MLF1: variants seen among roughly 807,000 people sequenced by gnomAD.
MLF1 encodes myelodysplasia-myeloid leukemia factor 1.
MLF1 carries 37 observed loss-of-function variants against 38.3 expected under a neutral mutation model. That is an observed-to-expected ratio of 0.96 (90% confidence interval 0.74 to 1.27). The LOEUF (loss-of-function observed/expected upper bound fraction) is 1.27. Among genes scored for constraint, MLF1 ranks in the 50% most tolerant of loss-of-function variants. The pLI is 0.00. For missense variants in MLF1, 331 were observed against 349.2 expected (o/e 0.95, Z 0.42); for synonymous variants, 95 against 106.5 (o/e 0.89, Z 0.66).
chr3:158,601,496 G>A (rs1719742464), intron 6 of MLF1, among the ~76,000 whole-genome samples: 1 of 152,200 alleles, frequency 6.6e-6, no homozygotes. Flanking sequence ...CTTGAACCCA[G>A]GAGGCGGAGG....
intron 1 of MLF1, among the ~76,000 whole-genome samples, chr3:158,588,619 A>AAAAAAAC (rs1560103388): frequency 1.6e-5 from 1 of 62,152 alleles, no homozygotes. Flanking sequence ...AAAAAAAAAA[A>AAAAAAAC]AAAAAGCAGA....
At chr3:158,590,916 C>G in intron 1 of MLF1, 2 of 412,884 alleles carry the variant, frequency 4.8e-6, no homozygotes, top group Admixed American at 6.0e-5. Context: ...TCTATACATA[C>G]AAGCACAAAT....
intron 1 of MLF1, among the ~76,000 whole-genome samples, chr3:158,581,314 C>A (rs1716312821): frequency 6.6e-6 from 1 of 152,202 alleles, no homozygotes; most frequent in African/African-American, 2.4e-5. Flanking sequence ...AAAATCTTCT[C>A]ATGCTTCCAG....
intron 3 of MLF1, 130 bp from the exon 4 acceptor site, chr3:158,596,732 G>A (rs1362148461): frequency 1.9e-6 from 1 of 538,964 alleles, no homozygotes; most frequent in East Asian, 3.0e-5. Context: ...AGTTATCTTT[G>A]TCTGGTTGAT....
rs1442833455 is a variant in MLF1 at position 158,606,366 on chromosome 3, A to G, written c.*1164A>G. 6.0e-6 allele frequency: 1 copy of G among 166,262 alleles called. No homozygotes were observed. Among genetic ancestry groups the G allele is most frequent in the Non-Finnish European group, 1.3e-5 (1 of 76,410 alleles). The allele number at this position is 166,262 out of a possible 1,614,324, so 10.3% of individuals were successfully genotyped here. A position where few individuals can be genotyped will look rare whatever the true frequency, so the allele number is the denominator to read the frequency against. The stretch of plus-strand genomic sequence containing the variant: ...AGTAAAATTATATGACTATGTTCAT[A>G]CTTCTCTAATTTTTTATATAATATT... On this transcript the variant is annotated 3_prime_UTR_variant, in exon 8 of 8. Coordinates refer to ENST00000466246, the MANE Select transcript of MLF1 (RefSeq NM_001369783.1).
chr3:158,602,182 G>C (rs1367017137), intron 6 of MLF1, among the ~76,000 whole-genome samples: 2 of 152,032 alleles, frequency 1.3e-5, no homozygotes, highest in African/African-American at 2.4e-5. Flanking sequence ...GTGTTTATTT[G>C]TAACCTCTGT....
At chr3:158,586,322 ATG>A (rs1717260137) in intron 1 of MLF1, among the ~76,000 whole-genome samples, 1 of 152,162 alleles carries the variant, frequency 6.6e-6, no homozygotes, top group Non-Finnish European at 1.5e-5. Flanking sequence ...CTTAGAAAGA[ATG>A]AGAACCAGAT....
chr3:158,571,660 A>G (rs1310786524), intron 1 of MLF1, among the ~76,000 whole-genome samples: 2 of 22,912 alleles, frequency 8.7e-5, no homozygotes, highest in Non-Finnish European at 1.6e-4. Context: ...GTGGGGGGAG[A>G]AGAGTTGAGG....
Position 158,592,460 on chromosome 3 carries a change from A to G in MLF1, c.74A>G (p.Asn25Ser). ...FSESILAHRE[N>S]MRQMIRSFSE... is the part of the protein sequence containing the mutation. ...GAGTCCATTCTTGCACACCGAGAAA[A>G]TATGCGACAGATGATAAGAAGTTTT... is the stretch of plus-strand genomic sequence containing the variant. Residue 25 changes from asparagine to serine, a missense_variant, in exon 2 of 8, where the codon AAT (asparagine) becomes AGT (serine). Physicochemically the swap from Asn to Ser is conservative, Grantham distance 46 (BLOSUM62 1). Transcript: ENST00000466246. 1 of 1,610,548 alleles carries G rather than the reference A, an allele frequency of 6.2e-7. No homozygotes were observed. The highest frequency in any genetic ancestry group is 8.5e-7 in the Non-Finnish European group (1 of 1,178,900).
intron 1 of MLF1, chr3:158,591,108 A>G: frequency 1.9e-6 from 1 of 513,350 alleles, no homozygotes. Flanking sequence ...AGAATTTTTG[A>G]GCTTCCTCCT....
intron 1 of MLF1, chr3:158,582,760 G>A (rs928815824): frequency 1.8e-6 from 1 of 564,982 alleles, no homozygotes. Flanking sequence ...TCCTTTAAAA[G>A]TCAAGAAGAA....
chr3:158,597,777 G>A (rs181702001), intron 4 of MLF1, among the ~76,000 whole-genome samples: 63 of 152,242 alleles, frequency 4.1e-4, no homozygotes, highest in Admixed American at 2.4e-3. Flanking sequence ...TGAAATCTAA[G>A]CCACGAGCAC....
intron 1 of MLF1, among the ~76,000 whole-genome samples, chr3:158,581,609 G>A (rs942381448): frequency 1.3e-5 from 2 of 152,036 alleles, no homozygotes; most frequent in African/African-American, 4.8e-5. Flanking sequence ...CATTACTAAA[G>A]GTCTATTTAC....
chr3:158,604,192 A>G (rs1157187312), intron 7 of MLF1, among the ~76,000 whole-genome samples: 1 of 152,204 alleles, frequency 6.6e-6, no homozygotes, highest in Non-Finnish European at 1.5e-5. Context: ...ACTTGCTCCC[A>G]TATTCATTAT....
chr3:158,571,236 C>T lies in MLF1; in HGVS notation c.-65C>T, dbSNP rs986341232. ...TACTGGAGGCTAGCTCTTGTCGCGG[C>T]CGCGGCGAGTTAACATCGTTTTTCC... On this transcript the variant is annotated 5_prime_UTR_variant, in exon 1 of 8. Coordinates refer to ENST00000466246, the MANE Select transcript of MLF1 (RefSeq NM_001369783.1). 8.1e-6 allele frequency: 11 copies of T among 1,357,790 alleles called. No homozygotes were observed. The highest frequency in any genetic ancestry group is 1.4e-5 in the African/African-American group (1 of 69,780). The allele number at this position is 1,357,790 out of a possible 1,614,324, so 84.1% of individuals were successfully genotyped here.
chr3:158,597,715 G>T (rs1719092202), intron 4 of MLF1, among the ~76,000 whole-genome samples: 2 of 152,068 alleles, frequency 1.3e-5, no homozygotes, highest in South Asian at 4.1e-4. Flanking sequence ...ACACACAAGG[G>T]TCAACCACTG....
intron 1 of MLF1, among the ~76,000 whole-genome samples, chr3:158,574,694 A>G (rs993182712): frequency 4.6e-5 from 7 of 151,670 alleles, no homozygotes; most frequent in Non-Finnish European, 7.4e-5. Flanking sequence ...CAAAAAAAAA[A>G]AAAAAAAAGA....
At chr3:158,596,630 T>TA (rs1718918721) in intron 3 of MLF1, among the ~76,000 whole-genome samples, 1 of 152,210 alleles carries the variant, frequency 6.6e-6, no homozygotes, top group East Asian at 1.9e-4. Flanking sequence ...TTTATAATGT[T>TA]ACAGTTCCCT....
At chr3:158,592,607 AG>A in intron 2 of MLF1, 26 bp downstream of exon 2, 1 of 1,491,078 alleles carries the variant, frequency 6.7e-7, no homozygotes, top group East Asian at 2.5e-5. Flanking sequence ...TAAGACAGTT[AG>A]TGAGAAGGCC....
Sources: gnomAD v4.1 joint callset for allele counts (sites outside exome capture counted in the v4.1 genomes callset) on GRCh38, gnomAD v4.1.1 for gene constraint, MANE v1.5 for transcripts, NCBI Gene and HGNC (gene_info 2026-07-23, HGNC 2026-07-21) for gene names.